PTCH2: variants seen among roughly 807,000 people sequenced by gnomAD.
The protein encoded by PTCH2 is patched 2.
PTCH2 carries 96 observed loss-of-function variants against 117.9 expected under a neutral mutation model. The observed-to-expected ratio is 0.81, with a 90% CI of 0.69 to 0.96. The LOEUF is 0.96. Ranked by LOEUF, PTCH2 falls within the 50% of genes least tolerant of loss-of-function variation. The probability of loss-of-function intolerance (pLI) is 0.00; values close to 1 mark genes in which losing one functional copy is unlikely to be tolerated. For missense variants in PTCH2, 1,379 were observed against 1,562.5 expected, an observed-to-expected ratio of 0.88 and a Z score of 1.98; for synonymous variants, 615 against 660.9, an observed-to-expected ratio of 0.93 and a Z score of 1.06.
intron 2 of PTCH2, among the ~76,000 whole-genome samples, chr1:44,840,351 C>T (rs80251042): frequency 0.35 from 51,853 of 148,494 alleles, 9,249 homozygotes; most frequent in East Asian, 0.43. Context: ...CCGCCCGCCC[C>T]GGCCTCCCAA....
At position 44,832,250 on chromosome 1, in the gene PTCH2, T is replaced by C. The variant is rs1363182889; in HGVS notation, c.357A>G (p.Ala119=). 6.2e-7 allele frequency: 1 copy of C among 1,614,160 alleles called. No homozygotes were observed. The highest frequency in any genetic ancestry group is 1.1e-5 in the South Asian group (1 of 91,088). The part of the protein sequence containing the change: ...AYTSQMLIQT[A]RQEGENILTP... ...TGAGGATGTTCTCTCCCTCCTGGCG[T>C]GCGGTCTGTATCAGCATCTGAGAGG... The change falls in exon 3 of 22, where the codon GCA becomes GCG. Residue 119 remains alanine (A), a synonymous_variant. Coordinates refer to ENST00000372192, the MANE Select transcript of PTCH2 (RefSeq NM_003738.5).
In PTCH2 at chr1:44,830,794, G is replaced by GAAGGGAAA. The variant is rs1653410011; in HGVS notation, c.813+46_813+53dup. On this transcript the variant is annotated intron_variant, in intron 6 of 21. Transcript: ENST00000372192. The stretch of plus-strand genomic sequence containing the variant: ...CTCCCCCAGAACACAGGAGTATGAG[G>GAAGGGAAA]AAGGGAAAGGGAAGGAAAACAGCCT... 5 of 1,487,498 alleles carry GAAGGGAAA rather than the reference G, an allele frequency of 3.4e-6. No individual in the cohort carries two copies. The South Asian group carries it at 6.7e-5, about 20-fold the overall frequency. 92.1% of individuals were successfully genotyped at this position (1,487,498 alleles called of 1,614,324 possible).
At position 44,827,290 on chromosome 1, in the gene PTCH2, G is replaced by A. The variant is rs775170973; in HGVS notation, c.2391C>T (p.Asp797=). The part of the protein sequence containing the change: ...NWLQGIQAAF[D]QDWASGRITR... Reference sequence around the variant, plus strand: ...TGATGCGCCCAGAAGCCCAGTCCTGGTCAAAGGCAGCCTGGATTCCTGGGG... The same window carrying A: ...TGATGCGCCCAGAAGCCCAGTCCTGATCAAAGGCAGCCTGGATTCCTGGGG... The change falls in exon 16 of 22, where the codon GAC becomes GAT. Residue 797 remains aspartate (D), a synonymous_variant. Transcript: ENST00000372192. The A allele has an allele frequency of 6.2e-7, 1 of 1,613,942 alleles. No homozygotes were observed. The highest frequency in any genetic ancestry group is 1.6e-4 in the Middle Eastern group (1 of 6,062).
chr1:44,842,007 C>G lies in PTCH2; in HGVS notation c.105G>C (p.Trp35Cys), dbSNP rs1653967693. ...ILAGSLKAPL[W>C]LRAYFQGLLF... ...GCAGGCCCTGGAAGTAAGCACGAAG[C>G]CAGAGTGGAGCCTTCAGGCTCCCAG... Residue 35 changes from tryptophan to cysteine, a missense_variant, in exon 2 of 22, where the codon TGG becomes TGC. Coordinates refer to ENST00000372192, the MANE Select transcript of PTCH2 (RefSeq NM_003738.5). 4 of 1,613,866 alleles carry G rather than the reference C, an allele frequency of 2.5e-6. No homozygotes were observed. Among genetic ancestry groups the G allele is most frequent in the Admixed American group, 1.7e-5 (1 of 59,996 alleles).
chr1:44,827,059 G>C lies in PTCH2; in HGVS notation c.2538C>G (p.Asp846Glu), dbSNP rs2148874811. 6.2e-7 allele frequency: 1 copy of C among 1,614,086 alleles called. No individual in the cohort carries two copies. Among genetic ancestry groups the C allele is most frequent in the Non-Finnish European group, 8.5e-7 (1 of 1,180,016 alleles). ...FSQLTTRKLV[D>E]REGLIPPELF... ...GCTCGGGTGGAATCAGTCCCTCTCT[G>C]TCCACCAGCTTCCTTGTGGTCAGCT... Residue 846 changes from aspartate to glutamate, a missense_variant, in exon 17 of 22, where the codon GAC becomes GAG. Coordinates refer to ENST00000372192, the MANE Select transcript of PTCH2 (RefSeq NM_003738.5).
chr1:44,822,256 C>T lies in PTCH2; in HGVS notation c.*159G>A. 1 of 1,546,916 alleles carries T rather than the reference C, an allele frequency of 6.5e-7. No homozygotes were observed. The highest frequency in any genetic ancestry group is 8.7e-7 in the Non-Finnish European group (1 of 1,154,778). ...CTGGATGTGCAAATCGGTGGCTGTT[C>T]TGTATGGATATCAGGGAGGCCCATG... is the stretch of plus-strand genomic sequence containing the variant. On this transcript the variant is annotated 3_prime_UTR_variant, in exon 22 of 22. Transcript: ENST00000372192.
intron 2 of PTCH2, among the ~76,000 whole-genome samples, chr1:44,835,830 T>G (rs1034432968): frequency 2.6e-5 from 4 of 152,154 alleles, no homozygotes; most frequent in Non-Finnish European, 5.9e-5. Context: ...CGCAGGGAAC[T>G]GTCAAAGACT....
intron 1 of PTCH2, among the ~76,000 whole-genome samples, chr1:44,842,533 C>T (rs913715613): frequency 2.0e-5 from 3 of 152,286 alleles, no homozygotes; most frequent in Admixed American, 2.0e-4. Flanking sequence ...CCTGCCTCAG[C>T]CTCCCAGTGT....
rs749103409 is a variant in PTCH2, at chr1:44,830,012, C to T, written c.832G>A (p.Glu278Lys). The change falls in exon 7 of 22, where the codon GAG becomes AAG. Residue 278 changes from glutamate (E) to lysine (K), a missense_variant. Transcript: ENST00000372192. ...HSRQAPNVAH[E>K]LSGGCHGFSH... ...AAGCCATGGCAGCCCCCACTCAGCT[C>T]GTGAGCCACATTGGGAGCCTGGAGG... 27 of 1,613,992 alleles carry T rather than the reference C, an allele frequency of 1.7e-5. No individual in the cohort carries two copies. The highest frequency in any genetic ancestry group is 8.0e-5 in the African/African-American group (6 of 74,922).
rs1653356113 is a variant in PTCH2, at chr1:44,829,935, G to A, written c.909C>T (p.Ala303=). The change falls in exon 7 of 22, where the codon GCC becomes GCT. Residue 303 remains alanine, a synonymous_variant. Transcript: ENST00000372192. ...WQEELLLGGM[A]RDPQGELLRA... ...TCAGCAGCTCTCCTTGGGGGTCTCTGGCCATGCCTCCCAGCAGCAATTCCT... is the reference window on the plus strand; with the variant it reads ...TCAGCAGCTCTCCTTGGGGGTCTCTAGCCATGCCTCCCAGCAGCAATTCCT... 6 of 1,614,096 alleles carry A rather than the reference G, an allele frequency of 3.7e-6. No individual in the cohort carries two copies. The African/African-American group carries it at 8.0e-5, about 22-fold the overall frequency.
At chr1:44,836,339 TG>T (rs1653683151) in intron 2 of PTCH2, among the ~76,000 whole-genome samples, 1 of 152,178 alleles carries the variant, frequency 6.6e-6, no homozygotes, top group Non-Finnish European at 1.5e-5. Context: ...AGATCAGGCA[TG>T]GTGGCTCATG....
intron 19 of PTCH2, among the ~76,000 whole-genome samples, chr1:44,824,618 C>T (rs573326456): frequency 6.6e-6 from 1 of 152,126 alleles, no homozygotes; most frequent in East Asian, 1.9e-4. Flanking sequence ...CCGCCTCAAC[C>T]TCCTGAGTGG....
At chr1:44,839,286 C>T (rs1019857874) in intron 2 of PTCH2, among the ~76,000 whole-genome samples, 1 of 137,268 alleles carries the variant, frequency 7.3e-6, no homozygotes, top group South Asian at 2.5e-4. Flanking sequence ...CGCTTGAACC[C>T]GGGAGGCGGA....
Position 44,841,834 on chromosome 1 carries a change from G to A in PTCH2, c.265+13C>T, listed in dbSNP as rs3795720. 575,264 of 1,612,186 alleles carry A rather than the reference G, an allele frequency of 0.36. 104,683 individuals are homozygous for A. The highest frequency in any genetic ancestry group is 0.49 in the Admixed American group (29,577 of 59,986). ...CCATACCTGAGCAGCTATGGCCAGT[G>A]TCCACAACTTACCTTCTACCCAGAG... On this transcript the variant is annotated intron_variant, in intron 2 of 21. Coordinates refer to ENST00000372192, the MANE Select transcript of PTCH2 (RefSeq NM_003738.5).
intron 2 of PTCH2, among the ~76,000 whole-genome samples, chr1:44,838,970 C>T (rs1653808766): frequency 6.6e-6 from 1 of 152,126 alleles, no homozygotes; most frequent in Non-Finnish European, 1.5e-5. Context: ...CTCAGGAGAT[C>T]CACCTACTTC....
rs1652992339 is a variant in PTCH2, at chr1:44,823,248, A to G, written c.3252T>C (p.Ile1084=). The G allele has an allele frequency of 6.2e-7, 1 of 1,614,192 alleles. No individual in the cohort carries two copies. The highest frequency in any genetic ancestry group is 8.5e-7 in the Non-Finnish European group (1 of 1,180,030). Residue 1084 remains isoleucine, a synonymous_variant, in exon 20 of 22, where the codon ATT becomes ATC. Transcript: ENST00000372192. The surrounding 1 kb of genome is among the most constrained non-coding windows in gnomAD (Gnocchi z 5.1). ...CTGCCCCGAGCCCTCCCTACCTTACAATGAAGTCAAAGTGGGAACCAGCAA... is the reference window on the plus strand; with the variant it reads ...CTGCCCCGAGCCCTCCCTACCTTACGATGAAGTCAAAGTGGGAACCAGCAA... The part of the protein sequence containing the change: ...LMLAGSHFDF[I]VRYFFAALTV...
At chr1:44,819,854 G>A (rs548244957), downstream of PTCH2, 22 of 152,996 alleles carry the variant, frequency 1.4e-4, no homozygotes, top group South Asian at 1.2e-3. Context: ...CTTGGTTGTA[G>A]TTGCCTAACT....
At position 44,826,891 on chromosome 1, in the gene PTCH2, C is replaced by A. The variant is rs373843383; in HGVS notation, c.2695+11G>T. The A allele has an allele frequency of 1.6e-5, 26 of 1,613,822 alleles. No individual in the cohort carries two copies. The highest frequency in any genetic ancestry group is 8.3e-5 in the Admixed American group (5 of 60,008). On this transcript the variant is annotated intron_variant, in intron 17 of 21. Transcript: ENST00000372192. This position sits in a 1 kb window ranked among gnomAD's most constrained non-coding sequence, Gnocchi z 5.1. ...GGCTGAGGCTCTTGCCGAGCTCCCC[C>A]CAAGACTCACTGCGAAGGTTCTCCC...
chr1:44,843,175 G>T lies in PTCH2; in HGVS notation c.-243C>A. 2 of 1,252,944 alleles carry T rather than the reference G, an allele frequency of 1.6e-6. No individual in the cohort carries two copies. The highest frequency in any genetic ancestry group is 1.0e-6 in the Non-Finnish European group (1 of 997,964). The allele number at this position is 1,252,944 out of a possible 1,614,324, so 77.6% of individuals were successfully genotyped here. ...CGCTCCGTGGGCCGTGGGCCGCGGCGGCTGGAGGAGGAATGGGTCCCGCGC... is the reference window on the plus strand; with the variant it reads ...CGCTCCGTGGGCCGTGGGCCGCGGCTGCTGGAGGAGGAATGGGTCCCGCGC... On this transcript the variant is annotated 5_prime_UTR_variant, in exon 1 of 22. Coordinates refer to ENST00000372192, the MANE Select transcript of PTCH2 (RefSeq NM_003738.5).
Sources: allele counts gnomAD v4.1 joint callset (sites outside exome capture counted in the v4.1 genomes callset), GRCh38; gene constraint gnomAD v4.1.1; non-coding constraint Gnocchi (gnomAD v3.1); transcripts MANE v1.5; gene names NCBI Gene and HGNC (gene_info 2026-07-23, HGNC 2026-07-21).